PAPOLG: variants seen among roughly 807,000 people sequenced by gnomAD.
PAPOLG encodes the protein PAP-gamma.
In PAPOLG, 40 loss-of-function variants were observed where a neutral mutation model predicts 99.0. The ratio of observed to expected loss-of-function variants is 0.40; its 90% CI spans 0.31 to 0.53. The LOEUF is 0.53. Among genes scored for constraint, PAPOLG ranks in the 20% least tolerant of loss-of-function variants. The pLI is 0.41. For missense variants in PAPOLG, 675 were observed against 884.1 expected (o/e 0.76, Z 3.00); for synonymous variants, 310 against 299.3 (o/e 1.04, Z -0.37).
intron 6 of PAPOLG, 94 bp downstream of exon 6, chr2:60,770,605 A>T (rs1268336749): frequency 1.0e-5 from 8 of 791,280 alleles, no homozygotes; most frequent in East Asian, 8.7e-5. Flanking sequence ...TGCATATTTT[A>T]AAAAATCAAG....
intron 7 of PAPOLG, 23 bp downstream of exon 7, chr2:60,771,653 C>T (rs766228532): frequency 1.9e-6 from 3 of 1,587,550 alleles, no homozygotes; most frequent in Non-Finnish European, 1.7e-6. Context: ...AAAGAAATCT[C>T]AGATACCTGC....
At position 60,768,902 on chromosome 2, in the gene PAPOLG, C is replaced by G. The variant is rs748630018; in HGVS notation, c.438+12C>G. The G allele has an allele frequency of 1.1e-5, 17 of 1,537,682 alleles. No individual in the cohort carries two copies. The South Asian group carries it at 2.0e-4, about 18-fold the overall frequency. ...TTAGAAACTTAAGAGTAAGTATCCT[C>G]TGGCATTTAATATTTTGAATTTAGA... On this transcript the variant is annotated intron_variant, in intron 5 of 21. Transcript: ENST00000238714.
chr2:60,775,579 A>G (rs985191785), intron 8 of PAPOLG, among the ~76,000 whole-genome samples: 3 of 152,200 alleles, frequency 2.0e-5, no homozygotes, highest in African/African-American at 7.2e-5. Context: ...TATAGTTTAT[A>G]TATTTAGGTT....
chr2:60,783,255 A>C, intron 13 of PAPOLG, 46 bp downstream of exon 13: 1 of 1,209,684 alleles, frequency 8.3e-7, no homozygotes, highest in Non-Finnish European at 1.2e-6. Context: ...TGGTGATAGT[A>C]ACTTATTTAT....
intron 3 of PAPOLG, among the ~76,000 whole-genome samples, chr2:60,765,435 A>C (rs1441404523): frequency 2.8e-5 from 4 of 144,980 alleles, no homozygotes; most frequent in African/African-American, 1.0e-4. Context: ...ACGAGGTCTC[A>C]CTGTGTTGCC....
rs13415369 is a variant in PAPOLG, at chr2:60,799,750, A to G, written c.*2590A>G. ...AGCTATTCTCTTGCCTCAGCCTCCC[A>G]AGTAGCTGGGATTACAGGCACCCAC... On this transcript the variant is annotated 3_prime_UTR_variant, in exon 22 of 22. Transcript: ENST00000238714. The G allele has an allele frequency of 0.23, 35,260 of 151,908 alleles. 4,643 individuals carry two copies. Among genetic ancestry groups the G allele is most frequent in the African/African-American group, 0.34 (14,002 of 41,346 alleles). The allele number at this position is 151,908 out of a possible 1,614,324, so 9.4% of individuals were successfully genotyped here.
Position 60,794,946 on chromosome 2 carries a change from T to A in PAPOLG, c.2056-18T>A. ...TAGGAAAGTTAGTTTTCACTTGTGT[T>A]GATTCTTCTGTTTTTAGGATGCCAT... On this transcript the variant is annotated intron_variant, in intron 20 of 21. Coordinates refer to ENST00000238714, the MANE Select transcript of PAPOLG (RefSeq NM_022894.4). The A allele has an allele frequency of 6.2e-7, 1 of 1,611,152 alleles. No individual in the cohort carries two copies. The highest frequency in any genetic ancestry group is 8.5e-7 in the Non-Finnish European group (1 of 1,179,122).
At chr2:60,797,029 T>C in intron 21 of PAPOLG, 33 bp from the exon 22 acceptor site, 5 of 1,612,500 alleles carry the variant, frequency 3.1e-6, no homozygotes, top group Non-Finnish European at 4.2e-6. Flanking sequence ...ATGATGTGCT[T>C]TTCCTTTTTT....
intron 8 of PAPOLG, among the ~76,000 whole-genome samples, chr2:60,777,671 T>A (rs970528327): frequency 2.0e-5 from 3 of 152,218 alleles, no homozygotes; most frequent in African/African-American, 7.2e-5. Context: ...AGTTTTTGAT[T>A]TAAAGTGAGA....
At chr2:60,789,399 T>G (rs1298343899) in intron 15 of PAPOLG, among the ~76,000 whole-genome samples, 3 of 151,476 alleles carry the variant, frequency 2.0e-5, no homozygotes, top group Non-Finnish European at 4.4e-5. Context: ...TTTTTATGGG[T>G]TTTTTGTTTG....
intron 3 of PAPOLG, 42 bp from the exon 4 acceptor site, chr2:60,768,428 T>C: frequency 2.5e-6 from 4 of 1,601,050 alleles, no homozygotes; most frequent in Non-Finnish European, 3.4e-6. Context: ...TTATGCTAAA[T>C]AATTTGAATA....
At chr2:60,774,181 G>A (rs1024502759) in intron 7 of PAPOLG, among the ~76,000 whole-genome samples, 8 of 151,646 alleles carry the variant, frequency 5.3e-5, no homozygotes, top group African/African-American at 1.7e-4. Flanking sequence ...TGCAAACTCC[G>A]CCTCCCGGGT....
intron 7 of PAPOLG, among the ~76,000 whole-genome samples, chr2:60,774,125 C>T (rs1375735624): frequency 1.3e-5 from 2 of 151,766 alleles, no homozygotes; most frequent in Admixed American, 6.6e-5. Context: ...ACGGGAGTCT[C>T]GCTCTGTCGC....
chr2:60,787,579 A>G lies in PAPOLG; in HGVS notation c.1355A>G (p.Asn452Ser), dbSNP rs747645858. Reference sequence around the variant, plus strand: ...AGAGTAGAAAATGCAGAAAGTGTCAACATAGACTTGACATATGATATACAG... The same window carrying G: ...AGAGTAGAAAATGCAGAAAGTGTCAGCATAGACTTGACATATGATATACAG... ...FRRVENAESV[N>S]IDLTYDIQSF... The change falls in exon 15 of 22, where the codon AAC becomes AGC. Residue 452 changes from asparagine to serine, a missense_variant. This residue lies in a region of PAPOLG where 413 missense variants were observed against 460.5 expected (regional missense o/e 0.90). Coordinates refer to ENST00000238714, the MANE Select transcript of PAPOLG (RefSeq NM_022894.4). The G allele has an allele frequency of 1.2e-6, 2 of 1,614,168 alleles. No homozygotes were observed. The highest frequency in any genetic ancestry group is 1.7e-5 in the Admixed American group (1 of 60,020).
intron 5 of PAPOLG, among the ~76,000 whole-genome samples, chr2:60,769,797 G>T (rs1348618506): frequency 6.6e-6 from 1 of 152,062 alleles, no homozygotes; most frequent in Non-Finnish European, 1.5e-5. Flanking sequence ...ACCATGTGCA[G>T]AACGTGCAGG....
At chr2:60,778,999 A>T (rs559173920) in intron 8 of PAPOLG, among the ~76,000 whole-genome samples, 1 of 152,130 alleles carries the variant, frequency 6.6e-6, no homozygotes, top group African/African-American at 2.4e-5. Context: ...GAGGTGGAGG[A>T]TCAGTTGAGC....
intron 3 of PAPOLG, among the ~76,000 whole-genome samples, chr2:60,762,328 T>G (rs1670543957): frequency 6.6e-6 from 1 of 152,074 alleles, no homozygotes; most frequent in Non-Finnish European, 1.5e-5. Flanking sequence ...CTACACAACC[T>G]TTTTCCCCTC....
At chr2:60,777,053 C>G (rs1358570301) in intron 8 of PAPOLG, among the ~76,000 whole-genome samples, 2 of 152,168 alleles carry the variant, frequency 1.3e-5, no homozygotes, top group Non-Finnish European at 2.9e-5. Context: ...CCTTCCTCAC[C>G]TCTCTCAGCC....
intron 7 of PAPOLG, among the ~76,000 whole-genome samples, chr2:60,773,961 A>C (rs1197376866): frequency 6.6e-6 from 1 of 152,262 alleles, no homozygotes; most frequent in Admixed American, 6.5e-5. Context: ...TGTTCCTTGA[A>C]AAAAGCAGGT....
Sources: allele counts gnomAD v4.1 joint callset (sites outside exome capture counted in the v4.1 genomes callset), GRCh38; gene constraint gnomAD v4.1.1; regional missense constraint gnomAD v4.1.1; transcripts MANE v1.5; gene names NCBI Gene and HGNC (gene_info 2026-07-23, HGNC 2026-07-21).